Variants in PMEPA1 observed in about 807,000 individuals in gnomAD.
The protein encoded by PMEPA1 is prostate transmembrane protein, androgen induced 1.
A neutral mutation model predicts 23.0 loss-of-function variants in PMEPA1; 11 were observed. The ratio of observed to expected loss-of-function variants is 0.48; its 90% confidence interval spans 0.30 to 0.79. The LOEUF is 0.79. PMEPA1 is among the 30% of genes least tolerant of loss of function. The pLI is 0.06. For missense variants in PMEPA1, 377 were observed against 390.9 expected (o/e 0.96, Z 0.30); for synonymous variants, 204 against 166.4 (o/e 1.23, Z -1.74).
chr20:57,702,773 G>T (rs2072029874), intron 1 of PMEPA1, among the ~76,000 whole-genome samples: 1 of 152,190 alleles, frequency 6.6e-6, no homozygotes, highest in African/African-American at 2.4e-5. Flanking sequence ...CTCTCTCAGG[G>T]TTGTTTTGAA....
chr20:57,699,896 C>G, intron 1 of PMEPA1: 1 of 391,164 alleles, frequency 2.6e-6, no homozygotes. Context: ...AGAAGCCTCC[C>G]GGCCTCGGCG....
At chr20:57,653,166 T>C in intron 2 of PMEPA1, 80 bp from the exon 3 acceptor site, 1 of 1,192,418 alleles carries the variant, frequency 8.4e-7, no homozygotes, top group Non-Finnish European at 1.2e-6. Flanking sequence ...ATTCGACTCT[T>C]AGGCCTTTAC....
rs1045071007 is a variant in PMEPA1, at chr20:57,649,687, A to G, written c.*2366T>C. The G allele has an allele frequency of 6.6e-6, 1 of 152,342 alleles. No individual in the cohort carries two copies. The highest frequency in any genetic ancestry group is 1.5e-5 in the Non-Finnish European group (1 of 68,050). The allele number at this position is 152,342 out of a possible 1,614,324, so 9.4% of individuals were successfully genotyped here. A position where few individuals can be genotyped will look rare whatever the true frequency, so the allele number is the denominator to read the frequency against. ...GGAGTCGTGTACAAACCTTGGCAAA[A>G]AAAGGTTGGAGGAGCAGGAGTAACC... is the stretch of plus-strand genomic sequence containing the variant. On this transcript the variant is annotated 3_prime_UTR_variant, in exon 4 of 4. Transcript: ENST00000341744.
chr20:57,710,802 G>T, upstream of PMEPA1: 1 of 308,378 alleles, frequency 3.2e-6, no homozygotes, highest in Non-Finnish European at 5.9e-6. Context: ...AGTGCTACAA[G>T]AACACATTCT....
At chr20:57,710,866 C>A, upstream of PMEPA1, 1 of 174,580 alleles carries the variant, frequency 5.7e-6, no homozygotes, top group Non-Finnish European at 1.2e-5. Context: ...CTCCCTGGCC[C>A]ACCTCCAGCC....
chr20:57,667,549 C>T (rs895493617), intron 1 of PMEPA1, among the ~76,000 whole-genome samples: 1 of 152,258 alleles, frequency 6.6e-6, no homozygotes, highest in Middle Eastern at 3.4e-3. Context: ...CAGACGACCC[C>T]CCTCCACCGC....
chr20:57,681,080 C>T (rs958200641), intron 1 of PMEPA1, among the ~76,000 whole-genome samples: 2 of 152,158 alleles, frequency 1.3e-5, no homozygotes, highest in Admixed American at 1.3e-4. Context: ...TTCCAAGTGC[C>T]CCAGGGCCTG....
chr20:57,651,834 G>C lies in PMEPA1; in HGVS notation c.*219C>G, dbSNP rs1238055080. 1 of 382,896 alleles carries C rather than the reference G, an allele frequency of 2.6e-6. No individual in the cohort carries two copies. Among genetic ancestry groups the C allele is most frequent in the South Asian group, 1.4e-4 (1 of 7,244 alleles). 23.7% of individuals were successfully genotyped at this position (382,896 alleles called of 1,614,324 possible). A position where few individuals can be genotyped will look rare whatever the true frequency, so the allele number is the denominator to read the frequency against. On this transcript the variant is annotated 3_prime_UTR_variant, in exon 4 of 4. Transcript: ENST00000341744. ...AAGACACAGCTCAACAAAGAAACGTGGTTTTTTTTTTTCTTTTTTCTTTTT... is the reference window on the plus strand; with the variant it reads ...AAGACACAGCTCAACAAAGAAACGTCGTTTTTTTTTTTCTTTTTTCTTTTT...
At chr20:57,667,853 C>T (rs1410781119) in intron 1 of PMEPA1, among the ~76,000 whole-genome samples, 2 of 152,076 alleles carry the variant, frequency 1.3e-5, no homozygotes, top group African/African-American at 4.8e-5. Context: ...AGCTCCCTGC[C>T]ACCCCACCCC....
intron 1 of PMEPA1, among the ~76,000 whole-genome samples, chr20:57,681,388 ACCAGGGGTTGCC>A (rs1427997901): frequency 1.3e-5 from 2 of 152,120 alleles, no homozygotes; most frequent in African/African-American, 4.8e-5. Context: ...GTGCGAGGCA[ACCAGGGGTTGCC>A]CCGGAGCCAG....
chr20:57,688,843 G>A (rs1224565111), intron 1 of PMEPA1, among the ~76,000 whole-genome samples: 3 of 152,156 alleles, frequency 2.0e-5, no homozygotes, highest in Admixed American at 6.5e-5. Context: ...AGGTGGCTTC[G>A]GGGATGTTCC....
Position 57,709,797 on chromosome 20 carries a change from C to A in PMEPA1, c.-215G>T, listed in dbSNP as rs911949554. 196 of 982,810 alleles carry A rather than the reference C, an allele frequency of 2.0e-4. No individual in the cohort carries two copies. Among genetic ancestry groups the A allele is most frequent in the Non-Finnish European group, 2.3e-4 (189 of 828,816 alleles). The allele number at this position is 982,810 out of a possible 1,614,324, so 60.9% of individuals were successfully genotyped here. On this transcript the variant is annotated 5_prime_UTR_variant, in exon 1 of 4. Transcript: ENST00000341744. ...CCGCTGCGCCCCCCCGGCCTCCCCTCGGCAGCCCCGGGGGCGTCGGCAGTG... is the reference window on the plus strand; with the variant it reads ...CCGCTGCGCCCCCCCGGCCTCCCCTAGGCAGCCCCGGGGGCGTCGGCAGTG...
chr20:57,673,980 C>A (rs375670833), intron 1 of PMEPA1, among the ~76,000 whole-genome samples: 3 of 152,206 alleles, frequency 2.0e-5, no homozygotes, highest in South Asian at 2.1e-4. Context: ...CAAAGCCTGA[C>A]AAGTGGTGGC....
At position 57,652,971 on chromosome 20, in the gene PMEPA1, C is replaced by CGCAGCGGGA; in HGVS notation, c.318+53_318+61dup. ...CTTTAGCAGCCCACACTGTTCCAGC[C>CGCAGCGGGA]GCAGCGGGAGCAGCCCAGGGTGGGA... On this transcript the variant is annotated intron_variant, in intron 3 of 3. Transcript: ENST00000341744. This position sits in a 1 kb window ranked among gnomAD's most constrained non-coding sequence, Gnocchi z 6.1. 7.2e-7 allele frequency: 1 copy of CGCAGCGGGA among 1,390,564 alleles called. No homozygotes were observed. Among genetic ancestry groups the CGCAGCGGGA allele is most frequent in the South Asian group, 1.2e-5 (1 of 81,560 alleles). 86.1% of individuals were successfully genotyped at this position (1,390,564 alleles called of 1,614,324 possible). A position where few individuals can be genotyped will look rare whatever the true frequency, so the allele number is the denominator to read the frequency against.
At chr20:57,710,153 C>T (rs190530897), upstream of PMEPA1, 617 of 628,842 alleles carry the variant, frequency 9.8e-4, no homozygotes, top group Middle Eastern at 5.9e-3. Flanking sequence ...GGGGCGGGCT[C>T]TTAAAGGGCC....
At chr20:57,709,301 C>A (rs928971900) in intron 1 of PMEPA1, among the ~76,000 whole-genome samples, 173 bp downstream of exon 1, 9 of 146,412 alleles carry the variant, frequency 6.1e-5, no homozygotes, top group Admixed American at 4.1e-4. Flanking sequence ...CCGGGCCGGC[C>A]GCCAGCTGCC....
At chr20:57,702,625 A>G (rs1163298300) in intron 1 of PMEPA1, among the ~76,000 whole-genome samples, 1 of 152,204 alleles carries the variant, frequency 6.6e-6, no homozygotes, top group Non-Finnish European at 1.5e-5. Context: ...GTGGAAAAGA[A>G]AGCCTGGGAG....
Position 57,669,513 on chromosome 20 carries a change from A to G in PMEPA1, c.110-9816T>C, listed in dbSNP as rs991044812. 7.9e-5 allele frequency among the ~76,000 whole-genome samples: 12 copies of G among 152,344 alleles called. No individual in the cohort carries two copies. In the East Asian group the frequency reaches 1.9e-3, roughly 24 times the overall value. On this transcript the variant is annotated intron_variant, in intron 1 of 3. Coordinates refer to ENST00000341744, the MANE Select transcript of PMEPA1 (RefSeq NM_020182.5). ...ATGAGTGTGCAAGAAGGCCCCCTGC[A>G]GGTTTGCACAAAAGGTCACAATCAA...
intron 1 of PMEPA1, among the ~76,000 whole-genome samples, chr20:57,705,049 T>G (rs918510686): frequency 2.0e-5 from 3 of 152,074 alleles, no homozygotes; most frequent in Non-Finnish European, 4.4e-5. Flanking sequence ...TGCCCAGAAG[T>G]TTTAACCATT....
Sources: gnomAD v4.1 joint callset for allele counts (sites outside exome capture counted in the v4.1 genomes callset) on GRCh38, gnomAD v4.1.1 for gene constraint, Gnocchi (gnomAD v3.1) non-coding constraint, MANE v1.5 for transcripts, NCBI Gene and HGNC (gene_info 2026-07-23, HGNC 2026-07-21) for gene names.